Variants in PTTG1IP2 observed in about 807,000 individuals in gnomAD.
The protein encoded by PTTG1IP2 is PTTG1IP family member 2.
chr7:90,496,365 AT>A (rs1379822577), intron 6 of PTTG1IP2, among the ~76,000 whole-genome samples: 6 of 152,106 alleles, frequency 3.9e-5, no homozygotes, highest in African/African-American at 1.4e-4. Flanking sequence ...TAAGAATTCA[AT>A]CTGGGTGTGT....
intron 6 of PTTG1IP2, among the ~76,000 whole-genome samples, chr7:90,496,418 C>T (rs1039694292): frequency 6.6e-6 from 1 of 151,980 alleles, no homozygotes; most frequent in Non-Finnish European, 1.5e-5. Flanking sequence ...TAGGCTATCC[C>T]ATTTGTTGGT....
chr7:90,493,895 G>A (rs1368023560), intron 5 of PTTG1IP2, among the ~76,000 whole-genome samples: 1 of 152,160 alleles, frequency 6.6e-6, no homozygotes, highest in Non-Finnish European at 1.5e-5. Flanking sequence ...ATTTATGCAA[G>A]ACATAGAATA....
At chr7:90,503,335 G>A (rs993176041) in intron 6 of PTTG1IP2, among the ~76,000 whole-genome samples, 1 of 152,162 alleles carries the variant, frequency 6.6e-6, no homozygotes, top group Non-Finnish European at 1.5e-5. Flanking sequence ...TTCCATATCA[G>A]CAATAAGGCT....
chr7:90,495,746 C>T (rs1044896983), intron 6 of PTTG1IP2, among the ~76,000 whole-genome samples: 8 of 152,160 alleles, frequency 5.3e-5, no homozygotes, highest in Non-Finnish European at 1.0e-4. Context: ...ATCTTCCAAA[C>T]TGGGCCCATT....
intron 5 of PTTG1IP2, among the ~76,000 whole-genome samples, chr7:90,493,965 C>A (rs1253304530): frequency 6.6e-6 from 1 of 152,166 alleles, no homozygotes; most frequent in East Asian, 1.9e-4. Context: ...CTGTACACTG[C>A]GATACTCCTC....
At chr7:90,511,838 G>A (rs1270396017) in intron 6 of PTTG1IP2, among the ~76,000 whole-genome samples, 1 of 151,996 alleles carries the variant, frequency 6.6e-6, no homozygotes, top group East Asian at 1.9e-4. Context: ...TGTAAAATAG[G>A]GATTAAAAAT....
chr7:90,506,698 T>A (rs751057275), intron 6 of PTTG1IP2, among the ~76,000 whole-genome samples: 1 of 152,100 alleles, frequency 6.6e-6, no homozygotes, highest in Non-Finnish European at 1.5e-5. Context: ...GCTGGAGAGA[T>A]GAAGGCTGCA....
chr7:90,512,532 T>C (rs1179073047), intron 6 of PTTG1IP2, among the ~76,000 whole-genome samples: 3 of 152,162 alleles, frequency 2.0e-5, no homozygotes, highest in Non-Finnish European at 4.4e-5. Context: ...TTTGTGGCTA[T>C]AGAAATATTC....
At chr7:90,470,078 G>A (rs11764069) in intron 1 of PTTG1IP2, 147 bp downstream of exon 1, 2,464 of 152,570 alleles carry the variant, frequency 0.016, 48 homozygotes, top group South Asian at 0.025. Context: ...GTTCTAGATG[G>A]TTTTGGTGAA....
chr7:90,486,468 T>C (rs1424200165), intron 2 of PTTG1IP2, among the ~76,000 whole-genome samples: 1 of 49,904 alleles, frequency 2.0e-5, no homozygotes, highest in African/African-American at 5.9e-5. Context: ...TTTGTCTTCC[T>C]TTTTTTTTTT....
At chr7:90,490,240 T>G (rs1440082706) in intron 4 of PTTG1IP2, among the ~76,000 whole-genome samples, 1 of 152,044 alleles carries the variant, frequency 6.6e-6, no homozygotes, top group Non-Finnish European at 1.5e-5. Context: ...GTCCATTACA[T>G]ATCAACAAAT....
intron 6 of PTTG1IP2, among the ~76,000 whole-genome samples, chr7:90,501,097 C>T (rs1798056225): frequency 6.6e-6 from 1 of 152,096 alleles, no homozygotes; most frequent in Non-Finnish European, 1.5e-5. Flanking sequence ...GATTGGGCCA[C>T]ATATGACCAC....
At chr7:90,494,062 A>T (rs1271563014) in intron 5 of PTTG1IP2, 1 of 152,168 alleles carries the variant, frequency 6.6e-6, no homozygotes, top group African/African-American at 2.4e-5. Context: ...AATTCAGAAG[A>T]TGGTTTGCTG....
In PTTG1IP2 at chr7:90,504,423, A is replaced by T. The variant is rs567813164; in HGVS notation, c.*51-8855A>T. 6.0e-4 allele frequency among the ~76,000 whole-genome samples: 91 copies of T among 152,160 alleles called. 1 individual carries two copies. The highest frequency in any genetic ancestry group is 1.1e-3 in the Non-Finnish European group (74 of 68,032). ...AACAGTAAGAGATAAGTTTAAATCA[A>T]GGATTGGCAAACTTTCTTTATAAAG... On this transcript the variant is annotated intron_variant, in intron 6 of 6. Transcript: ENST00000509356.
intron 1 of PTTG1IP2, among the ~76,000 whole-genome samples, chr7:90,473,283 CA>C (rs1385203101): frequency 1.3e-5 from 2 of 152,146 alleles, no homozygotes; most frequent in African/African-American, 4.8e-5. Flanking sequence ...AAAGGTCTTT[CA>C]CAGAGAATAC....
At chr7:90,477,035 C>A (rs933502858) in intron 1 of PTTG1IP2, among the ~76,000 whole-genome samples, 4 of 152,066 alleles carry the variant, frequency 2.6e-5, no homozygotes, top group East Asian at 1.9e-4. Context: ...ACGGATGGAA[C>A]TTTATGGAAT....
At chr7:90,484,387 A>G (rs571884359) in intron 2 of PTTG1IP2, among the ~76,000 whole-genome samples, 1 of 152,272 alleles carries the variant, frequency 6.6e-6, no homozygotes, top group South Asian at 2.1e-4. Flanking sequence ...TGATGTCCAT[A>G]TAAGCTTAAT....
chr7:90,479,754 T>C (rs182364936), intron 2 of PTTG1IP2, among the ~76,000 whole-genome samples: 19 of 152,352 alleles, frequency 1.2e-4, no homozygotes, highest in African/African-American at 4.6e-4. Flanking sequence ...AGAAATGCTA[T>C]AAGTTATGAG....
chr7:90,475,989 G>T (rs1344251780), intron 1 of PTTG1IP2, among the ~76,000 whole-genome samples: 4 of 150,246 alleles, frequency 2.7e-5, no homozygotes, highest in Admixed American at 6.6e-5. Context: ...TTGAAGAAAA[G>T]AAAATGGTGT....
Sources: gnomAD v4.1 joint callset for allele counts (sites outside exome capture counted in the v4.1 genomes callset) on GRCh38, gnomAD v4.1.1 for gene constraint, MANE v1.5 for transcripts, NCBI Gene and HGNC (gene_info 2026-07-23, HGNC 2026-07-21) for gene names.